The following NRG3 variants were observed in gnomAD, a reference collection of about 807,000 sequenced individuals.
The protein encoded by NRG3 is neuregulin 3.
A neutral mutation model predicts 66.9 loss-of-function variants in NRG3; 31 were observed. The observed-to-expected ratio is 0.46, with a 90% CI of 0.35 to 0.63. The LOEUF (loss-of-function observed/expected upper bound fraction) is 0.63, where lower values mean the gene tolerates loss of function less well. Among genes scored for constraint, NRG3 ranks in the 20% least tolerant of loss-of-function variants. The probability of loss-of-function intolerance (pLI) is 0.00; values close to 1 mark genes in which losing one functional copy is unlikely to be tolerated. For synonymous variants in NRG3, 393 were observed against 359.4 expected, an observed-to-expected ratio of 1.09 and a Z score of -1.06; for missense variants, 910 against 878.9, an observed-to-expected ratio of 1.04 and a Z score of -0.45.
At chr10:82,108,838 C>T (rs1210641222) in intron 1 of NRG3, among the ~76,000 whole-genome samples, 3 of 152,168 alleles carry the variant, frequency 2.0e-5, no homozygotes, top group South Asian at 2.1e-4. Flanking sequence ...TACCATGTGG[C>T]CACAGCCTGG....
Position 82,851,716 on chromosome 10 carries a change from G to A in NRG3, c.1028-13695G>A, listed in dbSNP as rs1033483175. 8.4e-5 allele frequency among the ~76,000 whole-genome samples: 12 copies of A among 143,358 alleles called. No homozygotes were observed. In the South Asian group the frequency reaches 1.2e-3, roughly 14 times the overall value. 94.0% of individuals were successfully genotyped at this position (143,358 alleles called of 152,430 possible). On this transcript the variant is annotated intron_variant, in intron 3 of 8. Transcript: ENST00000372141. Reference sequence around the variant, plus strand: ...GAGAGATCACCTTGAACAAAAGTTCGAAAGTCCATGAAGCTATATAGTTTT... The same window carrying A: ...GAGAGATCACCTTGAACAAAAGTTCAAAAGTCCATGAAGCTATATAGTTTT...
At chr10:82,814,318 A>G (rs1185374533) in intron 3 of NRG3, among the ~76,000 whole-genome samples, 1 of 152,248 alleles carries the variant, frequency 6.6e-6, no homozygotes, top group Non-Finnish European at 1.5e-5. Flanking sequence ...GGAGAAAGAT[A>G]AAATGATCAT....
rs192890903 is a variant in NRG3, at chr10:82,836,781, G to A, written c.1028-28630G>A. Among the ~76,000 whole-genome samples the A allele has an allele frequency of 6.9e-3, 1,041 of 150,054 alleles. 12 individuals carry two copies. The highest frequency in any genetic ancestry group is 0.025 in the African/African-American group (1,000 of 40,736). ...AAGTTTTAGGGTACATGTACACAAC[G>A]TGCAGGTTAGTTACATATGTATACA... On this transcript the variant is annotated intron_variant, in intron 3 of 8. Coordinates refer to ENST00000372141, the MANE Select transcript of NRG3 (RefSeq NM_001010848.4).
chr10:82,548,518 GTC>G (rs199627235), intron 2 of NRG3, among the ~76,000 whole-genome samples: 6,340 of 120,558 alleles, frequency 0.053, 154 homozygotes, highest in African/African-American at 0.054. Context: ...AATACATTCT[GTC>G]TCTCACACAC....
chr10:81,997,270 C>T (rs2060974249), intron 1 of NRG3, among the ~76,000 whole-genome samples: 1 of 152,164 alleles, frequency 6.6e-6, no homozygotes, highest in African/African-American at 2.4e-5. Context: ...CTTTGGCCTC[C>T]AGCTAAGTCA....
At chr10:82,549,221 A>G (rs1459453334) in intron 2 of NRG3, among the ~76,000 whole-genome samples, 2 of 152,228 alleles carry the variant, frequency 1.3e-5, no homozygotes, top group African/African-American at 2.4e-5. Context: ...TCAGCATATA[A>G]CAAGTGTTTA....
chr10:82,212,720 T>G (rs1042076423), intron 1 of NRG3, among the ~76,000 whole-genome samples: 1 of 152,198 alleles, frequency 6.6e-6, no homozygotes, highest in Non-Finnish European at 1.5e-5. Context: ...TCACACAACT[T>G]TTTATGTGAT....
intron 1 of NRG3, among the ~76,000 whole-genome samples, chr10:82,006,332 G>C (rs191177541): frequency 6.6e-6 from 1 of 151,854 alleles, no homozygotes; most frequent in Non-Finnish European, 1.5e-5. Context: ...GAATTTATCC[G>C]TTCCTTTTGC....
chr10:82,345,339 G>T (rs1272593944), intron 1 of NRG3, among the ~76,000 whole-genome samples: 1 of 149,160 alleles, frequency 6.7e-6, no homozygotes, highest in Non-Finnish European at 1.5e-5. Flanking sequence ...TCCATTGCTT[G>T]TTTTTGTCAG....
intron 3 of NRG3, among the ~76,000 whole-genome samples, chr10:82,800,913 G>C (rs953898798): frequency 8.5e-5 from 13 of 152,190 alleles, no homozygotes; most frequent in African/African-American, 3.1e-4. Context: ...TGGAAAGGCT[G>C]TTAACTGAAG....
At chr10:82,642,703 A>G (rs911155848) in intron 2 of NRG3, among the ~76,000 whole-genome samples, 3 of 152,050 alleles carry the variant, frequency 2.0e-5, no homozygotes, top group Non-Finnish European at 4.4e-5. Context: ...AAACTTAAAT[A>G]AAAATATCAA....
chr10:82,093,388 C>T (rs2066145939), intron 1 of NRG3, among the ~76,000 whole-genome samples: 2 of 152,136 alleles, frequency 1.3e-5, no homozygotes, highest in South Asian at 4.1e-4. Flanking sequence ...GAATCTTGCA[C>T]CTCAGGTGCC....
chr10:82,502,897 AT>A (rs1283281671), intron 2 of NRG3, among the ~76,000 whole-genome samples: 2 of 152,226 alleles, frequency 1.3e-5, no homozygotes, highest in East Asian at 3.8e-4. Context: ...TGAAATGCAC[AT>A]ATTTTAGATA....
intron 2 of NRG3, among the ~76,000 whole-genome samples, chr10:82,654,491 A>T (rs1201596751): frequency 6.6e-6 from 1 of 152,234 alleles, no homozygotes; most frequent in Non-Finnish European, 1.5e-5. Context: ...CCAGACACAC[A>T]GAAATGCTTA....
At chr10:82,434,066 T>C (rs1420927931) in intron 2 of NRG3, among the ~76,000 whole-genome samples, 1 of 152,236 alleles carries the variant, frequency 6.6e-6, no homozygotes, top group African/African-American at 2.4e-5. Flanking sequence ...CGGTATTGAT[T>C]CTTCCTATCC....
intron 1 of NRG3, among the ~76,000 whole-genome samples, chr10:82,109,350 C>T (rs958541887): frequency 1.3e-5 from 2 of 152,156 alleles, no homozygotes; most frequent in African/African-American, 4.8e-5. Context: ...GATTTTGCAA[C>T]AATCATGACC....
At chr10:81,945,176 A>G (rs1053698215) in intron 1 of NRG3, among the ~76,000 whole-genome samples, 6 of 151,892 alleles carry the variant, frequency 4.0e-5, no homozygotes, top group Non-Finnish European at 7.4e-5. Flanking sequence ...TATTTTGTCC[A>G]TTGTTTTGTT....
chr10:82,832,096 A>C (rs1407892695), intron 3 of NRG3, among the ~76,000 whole-genome samples: 2 of 152,158 alleles, frequency 1.3e-5, no homozygotes, highest in African/African-American at 4.8e-5. Flanking sequence ...CCGTTGCTGG[A>C]GAGTTTCATA....
intron 2 of NRG3, among the ~76,000 whole-genome samples, chr10:82,611,603 C>T (rs978719608): frequency 1.3e-5 from 2 of 152,114 alleles, no homozygotes; most frequent in African/African-American, 4.8e-5. Flanking sequence ...TGAACTCATC[C>T]TTTTTTATGG....
Sources: gnomAD v4.1 joint callset for allele counts (sites outside exome capture counted in the v4.1 genomes callset) on GRCh38, gnomAD v4.1.1 for gene constraint, MANE v1.5 for transcripts, NCBI Gene and HGNC (gene_info 2026-07-23, HGNC 2026-07-21) for gene names.